BRINP3: variants seen among roughly 807,000 people sequenced by gnomAD.
The protein encoded by BRINP3 is BMP/retinoic acid-inducible neural-specific protein 3.
BRINP3 carries 19 observed loss-of-function variants against 71.0 expected under a neutral mutation model. The ratio of observed to expected loss-of-function variants is 0.27; its 90% CI spans 0.19 to 0.39. The LOEUF (loss-of-function observed/expected upper bound fraction) is 0.39, where lower values mean the gene tolerates loss of function less well. Ranked by LOEUF, BRINP3 falls within the 10% of genes least tolerant of loss-of-function variation. BRINP3 has a pLI of 1.00. For synonymous variants in BRINP3, 380 were observed against 337.7 expected, an observed-to-expected ratio of 1.13 and a Z score of -1.37; for missense variants, 959 against 940.8, an observed-to-expected ratio of 1.02 and a Z score of -0.25.
intron 6 of BRINP3, among the ~76,000 whole-genome samples, chr1:190,171,424 T>C (rs1027361954): frequency 1.3e-5 from 2 of 152,160 alleles, no homozygotes; most frequent in Non-Finnish European, 2.9e-5. Flanking sequence ...GCCACTACTC[T>C]CCTCTTGTAG....
At chr1:190,229,022 T>C (rs1202558634) in intron 5 of BRINP3, among the ~76,000 whole-genome samples, 1 of 151,978 alleles carries the variant, frequency 6.6e-6, no homozygotes, top group Non-Finnish European at 1.5e-5. Context: ...CACCTTCTCA[T>C]GGAACCAACT....
At chr1:190,341,927 T>A (rs1242119216) in intron 2 of BRINP3, among the ~76,000 whole-genome samples, 1 of 151,744 alleles carries the variant, frequency 6.6e-6, no homozygotes, top group Non-Finnish European at 1.5e-5. Context: ...AAGTCAGAAG[T>A]CTGATGGATG....
intron 6 of BRINP3, among the ~76,000 whole-genome samples, chr1:190,209,231 C>T (rs770126857): frequency 3.3e-5 from 5 of 152,076 alleles, no homozygotes; most frequent in Non-Finnish European, 7.4e-5. Flanking sequence ...CAAACACAAC[C>T]AAAGTGTTTT....
At chr1:190,226,660 T>C (rs1187472478) in intron 5 of BRINP3, among the ~76,000 whole-genome samples, 1 of 151,980 alleles carries the variant, frequency 6.6e-6, no homozygotes, top group Non-Finnish European at 1.5e-5. Flanking sequence ...AATACACATA[T>C]GCATTTATTT....
At chr1:190,099,367 CAAGAT>C (rs1651492894) in intron 7 of BRINP3, among the ~76,000 whole-genome samples, 1 of 151,732 alleles carries the variant, frequency 6.6e-6, no homozygotes, top group Non-Finnish European at 1.5e-5. Flanking sequence ...CTGCACAAAA[CAAGAT>C]TAGAGCTATA....
intron 2 of BRINP3, among the ~76,000 whole-genome samples, chr1:190,319,332 T>G (rs545478709): frequency 6.6e-6 from 1 of 152,276 alleles, no homozygotes; most frequent in East Asian, 1.9e-4. Context: ...TTTTGGGTTT[T>G]GGCACTTTTT....
At chr1:190,282,397 T>A (rs1663107669) in intron 2 of BRINP3, among the ~76,000 whole-genome samples, 1 of 151,936 alleles carries the variant, frequency 6.6e-6, no homozygotes, top group Non-Finnish European at 1.5e-5. Context: ...ATACATTTTT[T>A]AAAGAATGTA....
chr1:190,157,951 C>T (rs1026190071), intron 7 of BRINP3, among the ~76,000 whole-genome samples: 6 of 152,156 alleles, frequency 3.9e-5, no homozygotes, highest in Middle Eastern at 3.4e-3. Context: ...AATAAAATCA[C>T]GTCCTTTGCA....
intron 6 of BRINP3, among the ~76,000 whole-genome samples, chr1:190,188,982 G>A (rs963061827): frequency 6.6e-6 from 1 of 151,928 alleles, no homozygotes; most frequent in African/African-American, 2.4e-5. Flanking sequence ...GACTGGTCTC[G>A]AACTCCTGAC....
At chr1:190,389,699 C>T (rs1435943743) in intron 2 of BRINP3, among the ~76,000 whole-genome samples, 1 of 151,682 alleles carries the variant, frequency 6.6e-6, no homozygotes, top group African/African-American at 2.4e-5. Flanking sequence ...TACTTTGAAA[C>T]ATTAATAAGT....
At chr1:190,372,860 A>G (rs1012318990) in intron 2 of BRINP3, among the ~76,000 whole-genome samples, 1 of 152,226 alleles carries the variant, frequency 6.6e-6, no homozygotes, top group African/African-American at 2.4e-5. Flanking sequence ...TGTTAAACAA[A>G]TAGTTCACAG....
chr1:190,133,459 C>T (rs1654710655), intron 7 of BRINP3, among the ~76,000 whole-genome samples: 1 of 151,928 alleles, frequency 6.6e-6, no homozygotes, highest in African/African-American at 2.4e-5. Flanking sequence ...AGCATATTTA[C>T]TGTGGCATAG....
At chr1:190,110,229 G>A (rs1652547115) in intron 7 of BRINP3, among the ~76,000 whole-genome samples, 1 of 152,052 alleles carries the variant, frequency 6.6e-6, no homozygotes, top group South Asian at 2.1e-4. Flanking sequence ...TACCTCATAA[G>A]TTACAGGACA....
intron 2 of BRINP3, among the ~76,000 whole-genome samples, chr1:190,345,250 G>T (rs1293630054): frequency 6.6e-6 from 1 of 151,632 alleles, no homozygotes; most frequent in Non-Finnish European, 1.5e-5. Context: ...CCAGAAAAGA[G>T]ACACAGATTT....
At chr1:190,266,417 T>C (rs560559163) in intron 3 of BRINP3, among the ~76,000 whole-genome samples, 18 of 152,270 alleles carry the variant, frequency 1.2e-4, no homozygotes, top group African/African-American at 4.1e-4. Flanking sequence ...CATTTCTTGT[T>C]GGTATTTGGA....
chr1:190,350,706 T>G (rs1668321249), intron 2 of BRINP3, among the ~76,000 whole-genome samples: 1 of 152,140 alleles, frequency 6.6e-6, no homozygotes, highest in South Asian at 2.1e-4. Context: ...AATTTGGGTC[T>G]GTATAACCCA....
intron 2 of BRINP3, among the ~76,000 whole-genome samples, chr1:190,401,925 A>G (rs1263132047): frequency 2.6e-5 from 4 of 152,014 alleles, no homozygotes; most frequent in Non-Finnish European, 5.9e-5. Context: ...TTCTTCAATT[A>G]GCAACTATAT....
At chr1:190,411,134 T>C (rs1672635506) in intron 2 of BRINP3, among the ~76,000 whole-genome samples, 1 of 151,824 alleles carries the variant, frequency 6.6e-6, no homozygotes, top group Non-Finnish European at 1.5e-5. Flanking sequence ...GGAAATAGAG[T>C]CCAGAAACAT....
At chr1:190,350,227 A>T (rs1306816344) in intron 2 of BRINP3, among the ~76,000 whole-genome samples, 1 of 152,130 alleles carries the variant, frequency 6.6e-6, no homozygotes, top group Non-Finnish European at 1.5e-5. Context: ...TCATCGCTCT[A>T]CAAATCTCCT....
Sources: allele counts gnomAD v4.1 joint callset (sites outside exome capture counted in the v4.1 genomes callset), GRCh38; gene constraint gnomAD v4.1.1; transcripts MANE v1.5; gene names NCBI Gene and HGNC (gene_info 2026-07-23, HGNC 2026-07-21).